Variants in KIAA1549L observed in about 807,000 individuals in gnomAD.
KIAA1549L encodes the protein KIAA1549 like.
KIAA1549L carries 88 observed loss-of-function variants against 160.7 expected under a neutral mutation model. The ratio of observed to expected loss-of-function variants is 0.55; its 90% CI spans 0.46 to 0.65. The LOEUF is 0.65. Ranked by LOEUF, KIAA1549L falls within the 30% of genes least tolerant of loss-of-function variation. KIAA1549L has a pLI of 0.00. For synonymous variants in KIAA1549L, 950 were observed against 976.7 expected, an observed-to-expected ratio of 0.97 and a Z score of 0.51; for missense variants, 2,258 against 2,437.5, an observed-to-expected ratio of 0.93 and a Z score of 1.55.
In KIAA1549L at chr11:33,552,048, A is replaced by C. The variant is rs1251341676; in HGVS notation, c.3722-60A>C. On this transcript the variant is annotated intron_variant, in intron 5 of 20. Transcript: ENST00000658780. The stretch of plus-strand genomic sequence containing the variant: ...GCTGTTTTATATTATGACCACTGTT[A>C]AATCCAAGGAACTGAGACATGGAGC... The C allele has an allele frequency of 4.4e-5, 70 of 1,588,636 alleles. No homozygotes were observed. The East Asian group carries it at 1.6e-3, about 36-fold the overall frequency.
At position 33,435,792 on chromosome 11, in the gene KIAA1549L, A is replaced by ATGTG. The variant is rs1433325636; in HGVS notation, c.238+58904_238+58905insGTGT. On this transcript the variant is annotated intron_variant, in intron 1 of 20. Transcript: ENST00000658780. ...TATATATATATATATATATATATAT[A>ATGTG]TATATATATATATATATATGTGTGT... Among the ~76,000 whole-genome samples the ATGTG allele has an allele frequency of 6.4e-3, 84 of 13,044 alleles. 12 individuals carry two copies. Among genetic ancestry groups the ATGTG allele is most frequent in the African/African-American group, 0.03 (71 of 2,342 alleles). The allele number at this position is 13,044 out of a possible 152,430, so 8.6% of individuals were successfully genotyped here.
intron 1 of KIAA1549L, among the ~76,000 whole-genome samples, chr11:33,450,413 A>G (rs557721989): frequency 1.9e-4 from 29 of 152,206 alleles, no homozygotes; most frequent in African/African-American, 6.5e-4. Flanking sequence ...AAAAAACATT[A>G]GCTAGACATG....
chr11:33,562,146 T>C (rs190521914), intron 8 of KIAA1549L, among the ~76,000 whole-genome samples: 197 of 152,322 alleles, frequency 1.3e-3, no homozygotes, highest in African/African-American at 4.6e-3. Context: ...GCACAACATG[T>C]ACCCAGACCA....
At chr11:33,530,429 AAAAAAAAATATATATATATATATATATAT>A (rs1270126212) in intron 1 of KIAA1549L, among the ~76,000 whole-genome samples, 964 of 19,124 alleles carry the variant, frequency 0.05, 78 homozygotes, top group Non-Finnish European at 0.068. Context: ...AAAAAAAAAA[AAAAAAAAATATATATATATATATATATAT>A]ATATATATAT....
chr11:33,397,404 T>C (rs1177896193), intron 1 of KIAA1549L, among the ~76,000 whole-genome samples: 2 of 150,700 alleles, frequency 1.3e-5, no homozygotes, highest in Non-Finnish European at 3.0e-5. Context: ...TTTATCATAA[T>C]TTGTTTAAAA....
At chr11:33,599,777 C>T (rs1006155508) in intron 13 of KIAA1549L, among the ~76,000 whole-genome samples, 1 of 152,062 alleles carries the variant, frequency 6.6e-6, no homozygotes, top group African/African-American at 2.4e-5. Context: ...TTTACTGGGG[C>T]CAGAATTCAA....
intron 1 of KIAA1549L, among the ~76,000 whole-genome samples, chr11:33,413,498 A>G (rs923756791): frequency 1.1e-4 from 17 of 151,646 alleles, no homozygotes; most frequent in African/African-American, 3.4e-4. Context: ...CCTATGAAGC[A>G]TGGTTTTTGT....
At chr11:33,447,916 G>A (rs1456881400) in intron 1 of KIAA1549L, among the ~76,000 whole-genome samples, 2 of 152,168 alleles carry the variant, frequency 1.3e-5, no homozygotes, top group African/African-American at 4.8e-5. Context: ...AGGAAAGAGT[G>A]AGCATTCCAG....
chr11:33,663,655 A>G (rs919386237), intron 20 of KIAA1549L, among the ~76,000 whole-genome samples: 1 of 152,212 alleles, frequency 6.6e-6, no homozygotes, highest in Non-Finnish European at 1.5e-5. Context: ...GGAATGTGGT[A>G]GCTTCCTTCT....
chr11:33,591,477 G>A, intron 12 of KIAA1549L, 56 bp downstream of exon 12: 1 of 1,379,222 alleles, frequency 7.3e-7, no homozygotes, highest in South Asian at 1.4e-5. Flanking sequence ...AATTGATGAT[G>A]AGAAAAGCTG....
intron 16 of KIAA1549L, among the ~76,000 whole-genome samples, chr11:33,625,312 T>C (rs1851073719): frequency 6.6e-6 from 1 of 152,116 alleles, no homozygotes; most frequent in Non-Finnish European, 1.5e-5. Context: ...TTTCTAGTTC[T>C]ATATCCCTGA....
intron 1 of KIAA1549L, among the ~76,000 whole-genome samples, chr11:33,389,848 G>C (rs1280927975): frequency 6.6e-6 from 1 of 152,156 alleles, no homozygotes; most frequent in Non-Finnish European, 1.5e-5. Context: ...ATTTGCTAAA[G>C]GTCACACATT....
intron 15 of KIAA1549L, among the ~76,000 whole-genome samples, chr11:33,614,574 ATATATATATATTTTTT>A (rs1850753189): frequency 2.9e-4 from 4 of 13,780 alleles, no homozygotes; most frequent in African/African-American, 2.6e-3. Flanking sequence ...ATATATATAT[ATATATATATATTTTTT>A]TTTTTTTTTT....
intron 1 of KIAA1549L, among the ~76,000 whole-genome samples, chr11:33,408,272 G>T (rs528456146): frequency 6.6e-6 from 1 of 152,078 alleles, no homozygotes; most frequent in South Asian, 2.1e-4. Flanking sequence ...GGCATCAGTC[G>T]GGAATAGAGA....
intron 18 of KIAA1549L, 145 bp downstream of exon 18, chr11:33,656,254 G>A (rs1218463116): frequency 1.6e-6 from 1 of 642,682 alleles, no homozygotes; most frequent in Non-Finnish European, 2.8e-6. Context: ...CCATGCGCCT[G>A]TGGCATCCCA....
intron 1 of KIAA1549L, among the ~76,000 whole-genome samples, chr11:33,526,893 G>T (rs924017349): frequency 6.6e-6 from 1 of 151,864 alleles, no homozygotes; most frequent in East Asian, 1.9e-4. Context: ...CCAACTTAAA[G>T]AAATTTAAAA....
chr11:33,657,512 G>A (rs1313515854), intron 18 of KIAA1549L, among the ~76,000 whole-genome samples: 2 of 152,018 alleles, frequency 1.3e-5, no homozygotes, highest in African/African-American at 2.4e-5. Context: ...GAAAGGGAAC[G>A]TAGGCTGGGC....
intron 9 of KIAA1549L, among the ~76,000 whole-genome samples, chr11:33,572,252 GT>G (rs1403901361): frequency 1.3e-5 from 2 of 151,978 alleles, no homozygotes; most frequent in Middle Eastern, 3.2e-3. Flanking sequence ...AGTCAGGGTG[GT>G]CTCGAACTCC....
intron 1 of KIAA1549L, among the ~76,000 whole-genome samples, chr11:33,417,755 C>T (rs1252805462): frequency 6.6e-6 from 1 of 151,920 alleles, no homozygotes; most frequent in Admixed American, 6.6e-5. Flanking sequence ...TCTTTTCCTT[C>T]CTTCCTTCTG....
Sources: allele counts gnomAD v4.1 joint callset (sites outside exome capture counted in the v4.1 genomes callset), GRCh38; gene constraint gnomAD v4.1.1; transcripts MANE v1.5; gene names NCBI Gene and HGNC (gene_info 2026-07-23, HGNC 2026-07-21).